The following ERBIN variants were observed in gnomAD, a reference collection of about 807,000 sequenced individuals.
ERBIN encodes the protein densin-180-like protein.
ERBIN carries 60 observed loss-of-function variants against 158.4 expected under a neutral mutation model. That is an observed-to-expected ratio of 0.38 (90% CI 0.31 to 0.47). ERBIN has a LOEUF of 0.47. Ranked by LOEUF, ERBIN falls within the 20% of genes least tolerant of loss-of-function variation. ERBIN has a pLI of 0.99. For missense variants in ERBIN, 1,610 were observed against 1,648.0 expected (o/e 0.98, Z 0.40); for synonymous variants, 594 against 557.2 (o/e 1.07, Z -0.93).
chr5:65,992,762 G>T lies in ERBIN; in HGVS notation c.44G>T (p.Arg15Leu). The change falls in exon 3 of 26, where the codon CGC becomes CTC. Residue 15 changes from arginine to leucine, a missense_variant. Coordinates refer to ENST00000284037, the MANE Select transcript of ERBIN (RefSeq NM_001253697.2). The part of the protein sequence containing the change: ...RSLFVRLVPC[R>L]CLRGEEETVT... ...TTGTTTGTGCGGTTGGTACCATGTC[G>T]CTGTCTACGAGGGGAAGAGGAGACT... The T allele has an allele frequency of 6.2e-7, 1 of 1,612,508 alleles. No individual in the cohort carries two copies. Among genetic ancestry groups the T allele is most frequent in the Non-Finnish European group, 8.5e-7 (1 of 1,179,372 alleles).
rs962098577 is a variant in ERBIN, at chr5:65,973,703, G to A, written c.-57-14932G>A. Among the ~76,000 whole-genome samples, 45 of 151,276 alleles carry A rather than the reference G, an allele frequency of 3.0e-4. 1 individual carries two copies. The highest frequency in any genetic ancestry group is 4.4e-5 in the Non-Finnish European group (3 of 68,022). ...AATTAGTGTCTTGAATTGGGTAGGT[G>A]GAATGAGGAGTCAGTAGTAAGGCAA... On this transcript the variant is annotated intron_variant, in intron 1 of 25. Coordinates refer to ENST00000284037, the MANE Select transcript of ERBIN (RefSeq NM_001253697.2).
chr5:65,984,492 C>A (rs1750996859), intron 1 of ERBIN, among the ~76,000 whole-genome samples: 1 of 152,198 alleles, frequency 6.6e-6, no homozygotes, highest in African/African-American at 2.4e-5. Context: ...GGCTTCATGC[C>A]CACCCAGGCC....
chr5:66,031,497 C>T (rs768901237), intron 14 of ERBIN, among the ~76,000 whole-genome samples: 3 of 152,182 alleles, frequency 2.0e-5, no homozygotes, highest in Admixed American at 1.3e-4. Flanking sequence ...AGGCAAATTT[C>T]TCAGAGGAGG....
chr5:66,077,106 G>A (rs1308923343), intron 25 of ERBIN, among the ~76,000 whole-genome samples, 157 bp downstream of exon 25: 14 of 148,238 alleles, frequency 9.4e-5, no homozygotes, highest in African/African-American at 2.0e-4. Flanking sequence ...AGCCGAGATC[G>A]CGCCACTGTA....
At chr5:65,946,654 G>C (rs999949281) in intron 1 of ERBIN, among the ~76,000 whole-genome samples, 1 of 152,158 alleles carries the variant, frequency 6.6e-6, no homozygotes, top group Non-Finnish European at 1.5e-5. Context: ...AAGTATAAGA[G>C]TATGATTGCT....
chr5:66,015,447 T>G (rs903943725), intron 7 of ERBIN, among the ~76,000 whole-genome samples: 2 of 152,196 alleles, frequency 1.3e-5, no homozygotes, highest in Non-Finnish European at 2.9e-5. Flanking sequence ...TGGCTACTTT[T>G]GCTTTACAGT....
In ERBIN at chr5:66,081,244, T is replaced by C. The variant is rs367836766; in HGVS notation, c.*2714T>C. 1.8e-4 allele frequency: 28 copies of C among 152,116 alleles called. 1 individual carries two copies. The East Asian group carries it at 3.5e-3, about 19-fold the overall frequency. The allele number at this position is 152,116 out of a possible 1,614,324, so 9.4% of individuals were successfully genotyped here. A position where few individuals can be genotyped will look rare whatever the true frequency, so the allele number is the denominator to read the frequency against. ...ACAATAGTTGATACAATCTAAAGATTTATGCTAATTAAGGAATTATCACTT... is the reference window on the plus strand; with the variant it reads ...ACAATAGTTGATACAATCTAAAGATCTATGCTAATTAAGGAATTATCACTT... On this transcript the variant is annotated 3_prime_UTR_variant, in exon 26 of 26. Coordinates refer to ENST00000284037, the MANE Select transcript of ERBIN (RefSeq NM_001253697.2).
At chr5:65,955,485 C>G (rs960552100) in intron 1 of ERBIN, among the ~76,000 whole-genome samples, 2 of 152,074 alleles carry the variant, frequency 1.3e-5, no homozygotes, top group African/African-American at 4.8e-5. Flanking sequence ...GAAAAATTAG[C>G]TGGGCATGGT....
At chr5:66,028,405 C>T (rs372880803) in intron 14 of ERBIN, 62 bp downstream of exon 14, 34 of 1,289,860 alleles carry the variant, frequency 2.6e-5, no homozygotes, top group East Asian at 9.4e-5. Flanking sequence ...TTTTGCACTC[C>T]GATTTACATA....
chr5:65,933,188 A>G (rs1743653606), intron 1 of ERBIN, among the ~76,000 whole-genome samples: 1 of 152,214 alleles, frequency 6.6e-6, no homozygotes, highest in African/African-American at 2.4e-5. Flanking sequence ...TACTAACACT[A>G]CAGAAAATTT....
chr5:65,931,922 G>C (rs574007187), intron 1 of ERBIN, among the ~76,000 whole-genome samples: 14 of 151,060 alleles, frequency 9.3e-5, no homozygotes, highest in Admixed American at 7.3e-4. Context: ...GGGTTTAAGC[G>C]ATTCTCTTGC....
intron 1 of ERBIN, among the ~76,000 whole-genome samples, chr5:65,940,534 T>C (rs1257548725): frequency 1.7e-4 from 9 of 51,980 alleles, no homozygotes; most frequent in Admixed American, 1.3e-3. Context: ...GTCAGCCCCC[T>C]GCCCGGCCAG....
chr5:66,047,825 G>A (rs115912360), intron 18 of ERBIN, among the ~76,000 whole-genome samples: 1 of 151,962 alleles, frequency 6.6e-6, no homozygotes, highest in Non-Finnish European at 1.5e-5. Context: ...TTGTTACAGT[G>A]AACTTATGAC....
At chr5:65,994,682 AAGTT>A in intron 3 of ERBIN, 61 bp from the exon 4 acceptor site, 1 of 881,138 alleles carries the variant, frequency 1.1e-6, no homozygotes, top group South Asian at 1.6e-5. Flanking sequence ...CTGATAATAA[AAGTT>A]AGTTCATGAA....
chr5:66,062,183 G>C (rs527399192), intron 21 of ERBIN, among the ~76,000 whole-genome samples: 369 of 152,276 alleles, frequency 2.4e-3, no homozygotes, highest in Non-Finnish European at 4.3e-3. Flanking sequence ...GTACACCAGT[G>C]AGACGTAGAT....
At chr5:65,965,766 C>G (rs1748544588) in intron 1 of ERBIN, among the ~76,000 whole-genome samples, 1 of 152,134 alleles carries the variant, frequency 6.6e-6, no homozygotes, top group African/African-American at 2.4e-5. Flanking sequence ...TCCTCTGATT[C>G]CTCTCCCCTT....
chr5:66,020,893 A>T (rs1304975238), intron 7 of ERBIN, among the ~76,000 whole-genome samples: 1 of 151,942 alleles, frequency 6.6e-6, no homozygotes, highest in Non-Finnish European at 1.5e-5. Flanking sequence ...TAATTTTCGG[A>T]GTTACAGTTA....
intron 17 of ERBIN, among the ~76,000 whole-genome samples, chr5:66,045,869 TGACA>T (rs1159493964): frequency 5.9e-5 from 9 of 152,254 alleles, no homozygotes; most frequent in African/African-American, 1.4e-4. Flanking sequence ...GTAATTGCAA[TGACA>T]GACAGTTGGC....
intron 21 of ERBIN, among the ~76,000 whole-genome samples, chr5:66,062,952 T>G (rs1233587854): frequency 6.6e-6 from 1 of 152,176 alleles, no homozygotes; most frequent in Non-Finnish European, 1.5e-5. Context: ...CTGCCCCTAC[T>G]GGGGGGTGCC....
Sources: allele counts gnomAD v4.1 joint callset (sites outside exome capture counted in the v4.1 genomes callset), GRCh38; gene constraint gnomAD v4.1.1; transcripts MANE v1.5; gene names NCBI Gene and HGNC (gene_info 2026-07-23, HGNC 2026-07-21).